ATP6V0A1: variants seen among roughly 807,000 people sequenced by gnomAD.
ATP6V0A1 encodes ATPase H+ transporting V0 subunit a1.
Under a neutral mutation model 105.4 loss-of-function variants are expected in ATP6V0A1, and 43 were observed. The observed-to-expected ratio is 0.41, with a 90% CI of 0.32 to 0.53. The LOEUF (loss-of-function observed/expected upper bound fraction) is 0.53. Ranked by LOEUF, ATP6V0A1 falls within the 20% of genes least tolerant of loss-of-function variation. The pLI, the probability that ATP6V0A1 is intolerant of heterozygous loss-of-function variation, is 0.30. For missense variants in ATP6V0A1, 676 were observed against 1,051.1 expected (o/e 0.64, Z 4.93); for synonymous variants, 362 against 372.8 (o/e 0.97, Z 0.33).
chr17:42,462,803 G>A (rs938381067), intron 2 of ATP6V0A1, among the ~76,000 whole-genome samples: 2 of 151,184 alleles, frequency 1.3e-5, no homozygotes, highest in African/African-American at 4.9e-5. Flanking sequence ...ATAGAGATGG[G>A]GGTCTCGCCA....
Position 42,483,019 on chromosome 17 carries a change from C to T in ATP6V0A1, c.717-19C>T, listed in dbSNP as rs765122384. 9 of 1,422,064 alleles carry T rather than the reference C, an allele frequency of 6.3e-6. No individual in the cohort carries two copies. In the African/African-American group the frequency reaches 1.0e-4, roughly 16 times the overall value. 88.1% of individuals were successfully genotyped at this position (1,422,064 alleles called of 1,614,324 possible). On this transcript the variant is annotated intron_variant, in intron 8 of 21. Coordinates refer to ENST00000343619, the MANE Select transcript of ATP6V0A1 (RefSeq NM_001130021.3). Reference sequence around the variant, plus strand: ...TTAAATTAGATAAGTTAAGAAACTTCGATGTTCTTATATTCCAGGTTCCGA... The same window carrying T: ...TTAAATTAGATAAGTTAAGAAACTTTGATGTTCTTATATTCCAGGTTCCGA...
Position 42,487,013 on chromosome 17 carries a change from AAAG to A in ATP6V0A1, c.811-139_811-137del, listed in dbSNP as rs1465204434. 36 of 770,724 alleles carry A rather than the reference AAAG, an allele frequency of 4.7e-5. No homozygotes were observed. The East Asian group carries it at 8.9e-4, about 19-fold the overall frequency. The allele number at this position is 770,724 out of a possible 1,614,324, so 47.7% of individuals were successfully genotyped here. A position where few individuals can be genotyped will look rare whatever the true frequency, so the allele number is the denominator to read the frequency against. On this transcript the variant is annotated intron_variant, in intron 9 of 21. Transcript: ENST00000343619. ...ACTCTAATTTCTTGTAATTTGGAAA[AAAG>A]AAACCATTCTAGCCAGAGGAAGAAA... is the stretch of plus-strand genomic sequence containing the variant.
chr17:42,480,977 A>G (rs535346685), intron 8 of ATP6V0A1: 20 of 351,476 alleles, frequency 5.7e-5, no homozygotes, highest in South Asian at 2.3e-4. Flanking sequence ...GCTGGAGTGC[A>G]GTGGCATGAT....
chr17:42,482,215 C>T (rs1598829827), intron 8 of ATP6V0A1, among the ~76,000 whole-genome samples: 1 of 151,840 alleles, frequency 6.6e-6, no homozygotes, highest in Admixed American at 6.6e-5. Context: ...GGCATGATCA[C>T]AGCTCACTGC....
At chr17:42,495,478 G>A in intron 13 of ATP6V0A1, 148 bp from the exon 14 acceptor site, 1 of 679,074 alleles carries the variant, frequency 1.5e-6, no homozygotes, top group Non-Finnish European at 2.5e-6. Context: ...CTCAGTCTCA[G>A]CTGCTAGTCT....
chr17:42,465,836 C>CG (rs1288407010), intron 2 of ATP6V0A1, among the ~76,000 whole-genome samples: 1 of 151,466 alleles, frequency 6.6e-6, no homozygotes, highest in Non-Finnish European at 1.5e-5. Flanking sequence ...CATGGTGGTG[C>CG]GCACCTGTAA....
intron 17 of ATP6V0A1, chr17:42,507,299 CAGGGTA>C: frequency 2.1e-6 from 1 of 469,154 alleles, no homozygotes. Context: ...TCCTCTGAAG[CAGGGTA>C]AGGTGGTAAT....
Position 42,483,123 on chromosome 17 carries a change from C to T in ATP6V0A1, c.802C>T (p.Leu268Phe), listed in dbSNP as rs777626938. 2 of 1,530,228 alleles carry T rather than the reference C, an allele frequency of 1.3e-6. No homozygotes were observed. 94.8% of individuals were successfully genotyped at this position (1,530,228 alleles called of 1,614,324 possible). ...TGGAGTGAATACCAGGATTGATGAT[C>T]TCCAAATGGTATGCAGAAGGCTGGA... is the stretch of plus-strand genomic sequence containing the variant. The part of the protein sequence containing the change: ...ASGVNTRIDD[L>F]QMVLNQTEDH... Residue 268 changes from leucine (L) to phenylalanine (F), a missense_variant, in exon 9 of 22, where the codon CTC becomes TTC. Around this residue, in one of 3 missense-constraint regions of ATP6V0A1, gnomAD observed 239 missense variants for 388.4 expected, o/e 0.62. Transcript: ENST00000343619.
At chr17:42,465,252 C>T (rs545518924) in intron 2 of ATP6V0A1, among the ~76,000 whole-genome samples, 16 of 151,672 alleles carry the variant, frequency 1.1e-4, no homozygotes, top group Non-Finnish European at 2.1e-4. Flanking sequence ...CCTCAGCTTC[C>T]CAAAGTGCTA....
At chr17:42,520,898 C>A in intron 21 of ATP6V0A1, 129 bp from the exon 22 acceptor site, 1 of 801,340 alleles carries the variant, frequency 1.2e-6, no homozygotes, top group Non-Finnish European at 2.0e-6. Flanking sequence ...TGGGCTTTCT[C>A]TAGCTTCCCC....
intron 9 of ATP6V0A1, among the ~76,000 whole-genome samples, chr17:42,486,732 C>G (rs1348383712): frequency 6.6e-6 from 1 of 152,184 alleles, no homozygotes; most frequent in Non-Finnish European, 1.5e-5. Context: ...TTTCCACCCT[C>G]TCCTGATGCT....
At chr17:42,494,934 A>G in intron 12 of ATP6V0A1, 100 bp from the exon 13 acceptor site, 1 of 1,298,810 alleles carries the variant, frequency 7.7e-7, no homozygotes, top group Non-Finnish European at 1.1e-6. Flanking sequence ...GGATGGGGTA[A>G]AGTAGTGCTG....
rs898325319 is a variant in ATP6V0A1 at position 42,501,596 on chromosome 17, G to A, written c.2004+292G>A. ...CACCTGGCTAATTCTTGTATTTTTA[G>A]TAGAGACGGGGTTTCACCATGTTAG... On this transcript the variant is annotated intron_variant, in intron 17 of 21. Transcript: ENST00000343619. 1.8e-4 allele frequency among the ~76,000 whole-genome samples: 27 copies of A among 151,980 alleles called. 1 individual carries two copies. In the Middle Eastern group the frequency reaches 0.014, roughly 77 times the overall value.
At chr17:42,505,465 A>G (rs1043172183) in intron 17 of ATP6V0A1, among the ~76,000 whole-genome samples, 1 of 151,272 alleles carries the variant, frequency 6.6e-6, no homozygotes, top group Non-Finnish European at 1.5e-5. Flanking sequence ...CAGGCTCCCA[A>G]AGTGCTGGGA....
intron 21 of ATP6V0A1, chr17:42,520,526 T>C (rs1411073467): frequency 1.8e-5 from 8 of 456,618 alleles, no homozygotes; most frequent in African/African-American, 1.2e-4. Context: ...TAACTCCCCC[T>C]CTTTCCTTGG....
At chr17:42,506,373 G>C (rs1019429972) in intron 17 of ATP6V0A1, among the ~76,000 whole-genome samples, 1 of 152,218 alleles carries the variant, frequency 6.6e-6, no homozygotes, top group Non-Finnish European at 1.5e-5. Context: ...AAGGACCACT[G>C]CTAGAGTAGG....
rs999615989 is a variant in ATP6V0A1, at chr17:42,521,260, A to C, written c.*140A>C. 4.4e-6 allele frequency: 3 copies of C among 683,846 alleles called. No individual in the cohort carries two copies. The highest frequency in any genetic ancestry group is 4.5e-4 in the Middle Eastern group (1 of 2,228). 42.4% of individuals were successfully genotyped at this position (683,846 alleles called of 1,614,324 possible). The stretch of plus-strand genomic sequence containing the variant: ...CCTGTCTGTGAGTCATTTAGATAGA[A>C]TAGTCCTCCTTGGGTCTCCCACCAC... On this transcript the variant is annotated 3_prime_UTR_variant, in exon 22 of 22. Coordinates refer to ENST00000343619, the MANE Select transcript of ATP6V0A1 (RefSeq NM_001130021.3). The surrounding 1 kb of genome is among the most constrained non-coding windows in gnomAD (Gnocchi z 4.8).
chr17:42,514,087 T>G (rs1489755760), intron 20 of ATP6V0A1, 109 bp downstream of exon 20: 1 of 1,370,196 alleles, frequency 7.3e-7, no homozygotes, highest in African/African-American at 1.4e-5. Context: ...CTGGAATTAT[T>G]CAGGTTCCTG....
intron 15 of ATP6V0A1, among the ~76,000 whole-genome samples, chr17:42,500,493 G>A (rs1045130018): frequency 1.1e-4 from 17 of 152,100 alleles, no homozygotes; most frequent in African/African-American, 3.9e-4. Flanking sequence ...AAAAGAAAAA[G>A]CAACAGCAAA....
Sources: allele counts gnomAD v4.1 joint callset (sites outside exome capture counted in the v4.1 genomes callset), GRCh38; gene constraint gnomAD v4.1.1; regional missense constraint gnomAD v4.1.1; non-coding constraint Gnocchi (gnomAD v3.1); transcripts MANE v1.5; gene names NCBI Gene and HGNC (gene_info 2026-07-23, HGNC 2026-07-21).